The following FAT3 variants were observed in gnomAD, a reference collection of about 807,000 sequenced individuals.
FAT3 encodes protocadherin Fat 3.
FAT3 carries 95 observed loss-of-function variants against 310.2 expected under a neutral mutation model. The ratio of observed to expected loss-of-function variants is 0.31; its 90% CI spans 0.26 to 0.36. The LOEUF is 0.36. FAT3 is among the 10% of genes least tolerant of loss of function. FAT3 has a pLI of 1.00. For missense variants in FAT3, 5,408 were observed against 5,715.6 expected, an observed-to-expected ratio of 0.95 and a Z score of 1.74; for synonymous variants, 2,314 against 2,192.9, an observed-to-expected ratio of 1.06 and a Z score of -1.54.
intron 3 of FAT3, among the ~76,000 whole-genome samples, chr11:92,685,061 G>A (rs1239186494): frequency 1.3e-5 from 2 of 152,144 alleles, no homozygotes; most frequent in Non-Finnish European, 2.9e-5. Flanking sequence ...AGAAATCAGA[G>A]ACTGACTATT....
intron 1 of FAT3, among the ~76,000 whole-genome samples, chr11:92,265,453 G>T (rs1303483384): frequency 6.6e-6 from 1 of 151,832 alleles, no homozygotes; most frequent in Non-Finnish European, 1.5e-5. Context: ...CTCTGGGGAA[G>T]GCAAATGAGT....
chr11:92,335,393 G>T (rs1948041341), intron 1 of FAT3, among the ~76,000 whole-genome samples: 1 of 152,120 alleles, frequency 6.6e-6, no homozygotes, highest in African/African-American at 2.4e-5. Context: ...ATGGACAGAA[G>T]GTGATGTATT....
At chr11:92,494,929 G>A (rs1397660033) in intron 2 of FAT3, among the ~76,000 whole-genome samples, 7 of 151,960 alleles carry the variant, frequency 4.6e-5, no homozygotes, top group East Asian at 1.9e-4. Flanking sequence ...ATGAGACCAC[G>A]AAACATTATA....
intron 2 of FAT3, among the ~76,000 whole-genome samples, chr11:92,388,059 C>A (rs1949667632): frequency 6.6e-6 from 1 of 152,138 alleles, no homozygotes; most frequent in Non-Finnish European, 1.5e-5. Flanking sequence ...CTATTTGAGG[C>A]AGCATTTAGA....
At chr11:92,791,740 A>C (rs948261839) in intron 8 of FAT3, among the ~76,000 whole-genome samples, 1 of 152,214 alleles carries the variant, frequency 6.6e-6, no homozygotes, top group Non-Finnish European at 1.5e-5. Flanking sequence ...GGAGTTTAAA[A>C]TTGAAAAAGC....
chr11:92,614,374 G>T (rs144507353), intron 3 of FAT3, among the ~76,000 whole-genome samples: 2 of 152,110 alleles, frequency 1.3e-5, no homozygotes, highest in Non-Finnish European at 2.9e-5. Flanking sequence ...AGCAATGTAC[G>T]AGGGTTCCAT....
At chr11:92,862,760 A>G (rs1278089126) in intron 21 of FAT3, among the ~76,000 whole-genome samples, 1 of 152,254 alleles carries the variant, frequency 6.6e-6, no homozygotes, top group Non-Finnish European at 1.5e-5. Context: ...TAGTAATAAT[A>G]AGATAACTAA....
intron 1 of FAT3, among the ~76,000 whole-genome samples, chr11:92,291,980 T>G (rs1946707282): frequency 1.3e-5 from 2 of 152,064 alleles, no homozygotes; most frequent in African/African-American, 4.8e-5. Flanking sequence ...CATGGTTTTT[T>G]TAGTGCTTGC....
chr11:92,672,466 G>A (rs1943158776), intron 3 of FAT3, among the ~76,000 whole-genome samples: 2 of 152,126 alleles, frequency 1.3e-5, no homozygotes, highest in African/African-American at 4.8e-5. Flanking sequence ...GTTTTAAATG[G>A]TTGTCTCTTA....
rs1215763269 is a variant in FAT3, at chr11:92,895,762, T to C, written c.*4649T>C. 1 of 152,200 alleles carries C rather than the reference T, an allele frequency of 6.6e-6. No individual in the cohort carries two copies. The highest frequency in any genetic ancestry group is 1.5e-5 in the Non-Finnish European group (1 of 68,026). 9.4% of individuals were successfully genotyped at this position (152,200 alleles called of 1,614,324 possible). A position where few individuals can be genotyped will look rare whatever the true frequency, so the allele number is the denominator to read the frequency against. ...GCTGGTTTGTAAAAGATGTATGTTT[T>C]GGTGTTTGAAATGTTTATAAAATTG... is the stretch of plus-strand genomic sequence containing the variant. On this transcript the variant is annotated 3_prime_UTR_variant, in exon 28 of 28. Coordinates refer to ENST00000525166, the MANE Select transcript of FAT3 (RefSeq NM_001367949.2).
At chr11:92,835,107 G>A (rs2136270227) in intron 15 of FAT3, 23 bp downstream of exon 15, 1 of 1,590,498 alleles carries the variant, frequency 6.3e-7, no homozygotes, top group East Asian at 2.2e-5. Flanking sequence ...GGTTGGGGAT[G>A]GTTCTAGATG....
Position 92,355,188 on chromosome 11 carries a change from T to G in FAT3, c.3076T>G (p.Phe1026Val). ...GCCTGTCTCTCTGTCATCTGTTTCC[T>G]TTGTTGAGGTGGAAGTGGTGGATGT... ...GRPVSLSSVS[F>V]VEVEVVDVNE... is the part of the protein sequence containing the mutation. The change falls in exon 2 of 28, where the codon TTT becomes GTT. Residue 1026 changes from phenylalanine (F) to valine (V), a missense_variant. Physicochemically the swap from Phe to Val is conservative, Grantham distance 50. Transcript: ENST00000525166. The G allele has an allele frequency of 6.2e-7, 1 of 1,613,780 alleles. No individual in the cohort carries two copies. The highest frequency in any genetic ancestry group is 8.5e-7 in the Non-Finnish European group (1 of 1,179,830).
intron 1 of FAT3, among the ~76,000 whole-genome samples, chr11:92,328,063 C>G (rs969432016): frequency 1.3e-5 from 2 of 152,174 alleles, no homozygotes; most frequent in Admixed American, 1.3e-4. Flanking sequence ...GGCCCCAGTT[C>G]CTGTCTTGTT....
At chr11:92,810,233 C>T (rs1158467834) in intron 13 of FAT3, among the ~76,000 whole-genome samples, 157 bp downstream of exon 13, 2 of 152,232 alleles carry the variant, frequency 1.3e-5, no homozygotes, top group South Asian at 4.1e-4. Context: ...AGCTAATACA[C>T]TTCATATGCA....
At chr11:92,548,193 T>C (rs1227402708) in intron 3 of FAT3, among the ~76,000 whole-genome samples, 2 of 152,198 alleles carry the variant, frequency 1.3e-5, no homozygotes, top group African/African-American at 4.8e-5. Flanking sequence ...TTTACCATGT[T>C]GGTGACTTGT....
chr11:92,599,647 A>G (rs747074299), intron 3 of FAT3, among the ~76,000 whole-genome samples: 1 of 152,218 alleles, frequency 6.6e-6, no homozygotes, highest in Non-Finnish European at 1.5e-5. Context: ...AACATGAATT[A>G]ATGATTGCAG....
intron 1 of FAT3, among the ~76,000 whole-genome samples, chr11:92,299,270 C>A (rs901701428): frequency 6.6e-6 from 1 of 151,932 alleles, no homozygotes; most frequent in Non-Finnish European, 1.5e-5. Context: ...CTGGAAGTAC[C>A]CAAGAAAGAC....
At chr11:92,759,096 C>T (rs1946078593) in intron 4 of FAT3, among the ~76,000 whole-genome samples, 2 of 152,056 alleles carry the variant, frequency 1.3e-5, no homozygotes, top group South Asian at 4.2e-4. Flanking sequence ...GTAGATGAAA[C>T]CATGGGTAAG....
At chr11:92,286,361 G>A (rs778550516) in intron 1 of FAT3, among the ~76,000 whole-genome samples, 1 of 152,152 alleles carries the variant, frequency 6.6e-6, no homozygotes, top group Non-Finnish European at 1.5e-5. Flanking sequence ...TAATCGAGCA[G>A]TGCGTAATGG....
Sources: gnomAD v4.1 joint callset for allele counts (sites outside exome capture counted in the v4.1 genomes callset) on GRCh38, gnomAD v4.1.1 for gene constraint, MANE v1.5 for transcripts, NCBI Gene and HGNC (gene_info 2026-07-23, HGNC 2026-07-21) for gene names.